PTPN11: variants seen among roughly 807,000 people sequenced by gnomAD.
PTPN11 encodes protein tyrosine phosphatase non-receptor type 11.
PTPN11 carries 6 observed loss-of-function variants against 78.8 expected under a neutral mutation model. That is an observed-to-expected ratio of 0.08 (90% CI 0.04 to 0.15). The LOEUF (loss-of-function observed/expected upper bound fraction) is 0.15. Ranked by LOEUF, PTPN11 falls within the 10% of genes least tolerant of loss-of-function variation. PTPN11 has a pLI of 1.00. For missense variants in PTPN11, 386 were observed against 744.8 expected (o/e 0.52, Z 5.61); for synonymous variants, 221 against 263.5 (o/e 0.84, Z 1.56).
At chr12:112,435,159 C>T (rs2037770609) in intron 1 of PTPN11, among the ~76,000 whole-genome samples, 2 of 151,864 alleles carry the variant, frequency 1.3e-5, no homozygotes, top group South Asian at 2.1e-4. Context: ...ACTGGGACTA[C>T]AGGTGTGTGC....
At chr12:112,430,236 A>G (rs1450702262) in intron 1 of PTPN11, among the ~76,000 whole-genome samples, 1 of 152,118 alleles carries the variant, frequency 6.6e-6, no homozygotes, top group African/African-American at 2.4e-5. Flanking sequence ...TCCCAGCCTC[A>G]GGTGATCTGC....
intron 5 of PTPN11, among the ~76,000 whole-genome samples, chr12:112,455,193 T>C (rs1181994564): frequency 6.6e-6 from 1 of 151,980 alleles, no homozygotes; most frequent in Non-Finnish European, 1.5e-5. Context: ...CAGATTTATA[T>C]TATTCCCATA....
At chr12:112,480,890 C>T (rs1049634496) in intron 9 of PTPN11, among the ~76,000 whole-genome samples, 2 of 152,156 alleles carry the variant, frequency 1.3e-5, no homozygotes, top group African/African-American at 4.8e-5. Context: ...CAACAGAACA[C>T]AAAAGCATTC....
rs1444882062 is a variant in PTPN11 at position 112,456,204 on chromosome 12, G to A, written c.756+141G>A. Reference sequence around the variant, plus strand: ...TAATTCGGCCATTGATTGACACGGAGCAAGTTGCTGAGAGGGCTTCTTCGA... The same window carrying A: ...TAATTCGGCCATTGATTGACACGGAACAAGTTGCTGAGAGGGCTTCTTCGA... On this transcript the variant is annotated intron_variant, in intron 6 of 15. Transcript: ENST00000351677. 3 of 695,066 alleles carry A rather than the reference G, an allele frequency of 4.3e-6. No homozygotes were observed. In the African/African-American group the frequency reaches 5.3e-5, roughly 12 times the overall value. The allele number at this position is 695,066 out of a possible 1,614,324, so 43.1% of individuals were successfully genotyped here.
rs888967429 is a variant in PTPN11 at position 112,476,664 on chromosome 12, G to A, written c.854-987G>A. On this transcript the variant is annotated intron_variant, in intron 7 of 15. Coordinates refer to ENST00000351677, the MANE Select transcript of PTPN11 (RefSeq NM_002834.5). ...CGCTCCTGTAATCCCAGTTACTCAG[G>A]AGGCTGAGGTATGAGAATTGCTTGA... Among the ~76,000 whole-genome samples the A allele has an allele frequency of 3.7e-4, 56 of 152,148 alleles. 1 individual carries two copies. Among genetic ancestry groups the A allele is most frequent in the African/African-American group, 1.3e-3 (55 of 41,428 alleles).
intron 3 of PTPN11, among the ~76,000 whole-genome samples, chr12:112,451,974 C>T (rs1255124987): frequency 5.3e-5 from 8 of 152,096 alleles, no homozygotes; most frequent in African/African-American, 1.9e-4. Flanking sequence ...CTCCCAGATT[C>T]AAGTAATTCT....
chr12:112,467,178 C>T (rs2038341094), intron 6 of PTPN11, among the ~76,000 whole-genome samples: 1 of 152,066 alleles, frequency 6.6e-6, no homozygotes, highest in Non-Finnish European at 1.5e-5. Context: ...GTTGGGTACT[C>T]ACAGTCAGTA....
At chr12:112,442,748 G>T (rs2135851005) in intron 1 of PTPN11, among the ~76,000 whole-genome samples, 1 of 146,698 alleles carries the variant, frequency 6.8e-6, no homozygotes, top group East Asian at 2.0e-4. Context: ...CACCGCGCCT[G>T]GCCATGGATT....
intron 13 of PTPN11, among the ~76,000 whole-genome samples, chr12:112,498,542 T>G (rs979133679): frequency 6.6e-6 from 1 of 152,222 alleles, no homozygotes; most frequent in Admixed American, 6.5e-5. Context: ...CATGGAAAGA[T>G]ACTTAATACC....
rs1178602062 is a variant in PTPN11, at chr12:112,486,540, C to A, written c.1290C>A (p.Ser430Arg). ...FRTWPDHGVPSDPGGVLDFLE... is the reference protein window; with the variant it reads ...FRTWPDHGVPRDPGGVLDFLE... ...CCTGGCCGGACCACGGCGTGCCCAG[C>A]GACCCTGGGGGCGTGCTGGACTTCC... Residue 430 changes from serine (S) to arginine (R), a missense_variant, in exon 11 of 16, where the codon AGC becomes AGA. Transcript: ENST00000351677. 2 of 1,614,100 alleles carry A rather than the reference C, an allele frequency of 1.2e-6. No individual in the cohort carries two copies. The highest frequency in any genetic ancestry group is 2.2e-5 in the East Asian group (1 of 44,896).
chr12:112,487,026 T>TAAGGGATCCTCAA, intron 11 of PTPN11: 2 of 622,712 alleles, frequency 3.2e-6, no homozygotes, highest in Non-Finnish European at 4.4e-6. Context: ...GCCTGACTCT[T>TAAGGGATCCTCAA]GAGGATCCCT....
At chr12:112,427,848 T>C (rs1237996954) in intron 1 of PTPN11, among the ~76,000 whole-genome samples, 1 of 152,126 alleles carries the variant, frequency 6.6e-6, no homozygotes, top group East Asian at 1.9e-4. Flanking sequence ...ACTCCTGGGC[T>C]CAAGTGATCC....
chr12:112,473,509 G>A lies in PTPN11; in HGVS notation c.853+469G>A, dbSNP rs144584031. Reference sequence around the variant, plus strand: ...ACTGTTCTGCTTGCTGATCCCCTGAGCTCAAGTTACTGGAGAAAGGGTATA... The same window carrying A: ...ACTGTTCTGCTTGCTGATCCCCTGAACTCAAGTTACTGGAGAAAGGGTATA... On this transcript the variant is annotated intron_variant, in intron 7 of 15. Coordinates refer to ENST00000351677, the MANE Select transcript of PTPN11 (RefSeq NM_002834.5). Among the ~76,000 whole-genome samples, 17 of 152,164 alleles carry A rather than the reference G, an allele frequency of 1.1e-4. 1 individual carries two copies. In the South Asian group the frequency reaches 3.3e-3, roughly 30 times the overall value.
At chr12:112,423,765 GA>G (rs1858399885) in intron 1 of PTPN11, among the ~76,000 whole-genome samples, 1 of 103,484 alleles carries the variant, frequency 9.7e-6, no homozygotes, top group Non-Finnish European at 1.8e-5. Context: ...TTTTTTTTGA[GA>G]CAGGGTCTTA....
intron 6 of PTPN11, among the ~76,000 whole-genome samples, chr12:112,467,993 T>A (rs2038356703): frequency 6.6e-6 from 1 of 152,260 alleles, no homozygotes; most frequent in South Asian, 2.1e-4. Flanking sequence ...TTTATGCAGT[T>A]TTTTTGGCTC....
chr12:112,435,645 AG>A (rs1309192752), intron 1 of PTPN11, among the ~76,000 whole-genome samples: 1 of 137,446 alleles, frequency 7.3e-6, no homozygotes, highest in Admixed American at 7.0e-5. Context: ...TGTAGGATTA[AG>A]GTTTTTTTTT....
At chr12:112,503,404 G>A (rs2038900692) in intron 14 of PTPN11, among the ~76,000 whole-genome samples, 1 of 152,094 alleles carries the variant, frequency 6.6e-6, no homozygotes, top group East Asian at 1.9e-4. Context: ...TTTCGACATG[G>A]ATTTTTAAAC....
intron 6 of PTPN11, among the ~76,000 whole-genome samples, chr12:112,469,630 T>G (rs1466603030): frequency 1.3e-5 from 2 of 152,074 alleles, no homozygotes; most frequent in East Asian, 3.9e-4. Context: ...TTCTCCTGCC[T>G]CAGGCTTCCA....
intron 13 of PTPN11, 84 bp from the exon 14 acceptor site, chr12:112,502,059 CT>C (rs2038880562): frequency 5.5e-6 from 6 of 1,089,956 alleles, no homozygotes; most frequent in Non-Finnish European, 8.3e-6. Flanking sequence ...CCTCTTTTTT[CT>C]TTTTTTGGGC....
Sources: gnomAD v4.1 joint callset for allele counts (sites outside exome capture counted in the v4.1 genomes callset) on GRCh38, gnomAD v4.1.1 for gene constraint, MANE v1.5 for transcripts, NCBI Gene and HGNC (gene_info 2026-07-23, HGNC 2026-07-21) for gene names.